PRDM16: variants seen among roughly 807,000 people sequenced by gnomAD.
PRDM16 encodes histone-lysine N-methyltransferase PRDM16.
In PRDM16, 23 loss-of-function variants were observed where a neutral mutation model predicts 110.6. The observed-to-expected ratio is 0.21, with a 90% CI of 0.15 to 0.29. PRDM16 has a LOEUF of 0.29. Among genes scored for constraint, PRDM16 ranks in the 10% least tolerant of loss-of-function variants. The pLI, the probability that PRDM16 is intolerant of heterozygous loss-of-function variation, is 1.00. For missense variants in PRDM16, 1,615 were observed against 1,794.3 expected, an observed-to-expected ratio of 0.90 and a Z score of 1.81; for synonymous variants, 799 against 781.8, an observed-to-expected ratio of 1.02 and a Z score of -0.37.
chr1:3,161,260 C>A (rs1643894644), intron 1 of PRDM16, among the ~76,000 whole-genome samples: 1 of 152,254 alleles, frequency 6.6e-6, no homozygotes, highest in Admixed American at 6.5e-5. Context: ...AGCAAACACA[C>A]ACACACAACA....
chr1:3,145,979 G>A (rs1643642499), intron 1 of PRDM16, among the ~76,000 whole-genome samples: 1 of 152,332 alleles, frequency 6.6e-6, no homozygotes, highest in African/African-American at 2.4e-5. Context: ...AGCGCCTCGG[G>A]ACTCACACGC....
chr1:3,325,128 G>T (rs940058802), intron 3 of PRDM16, among the ~76,000 whole-genome samples: 1 of 152,170 alleles, frequency 6.6e-6, no homozygotes, highest in African/African-American at 2.4e-5. Context: ...GCGTCCTTTG[G>T]AGGGGTGACC....
At chr1:3,257,798 C>T (rs926693993) in intron 3 of PRDM16, among the ~76,000 whole-genome samples, 2 of 152,164 alleles carry the variant, frequency 1.3e-5, no homozygotes, top group Admixed American at 6.5e-5. Context: ...CATCGGAGCC[C>T]GCACAGTCGG....
At chr1:3,354,043 C>T (rs1054645469) in intron 3 of PRDM16, among the ~76,000 whole-genome samples, 1 of 152,186 alleles carries the variant, frequency 6.6e-6, no homozygotes, top group Admixed American at 6.5e-5. Context: ...GGAACCGGGT[C>T]CTGGTCCAGG....
intron 3 of PRDM16, among the ~76,000 whole-genome samples, chr1:3,322,634 G>C (rs1244333562): frequency 6.6e-6 from 1 of 152,186 alleles, no homozygotes; most frequent in Non-Finnish European, 1.5e-5. Flanking sequence ...GTAGGCCAGT[G>C]CCTGGCAGCC....
chr1:3,202,252 G>C (rs997358311), intron 2 of PRDM16, among the ~76,000 whole-genome samples: 8 of 152,164 alleles, frequency 5.3e-5, no homozygotes, highest in African/African-American at 1.9e-4. Context: ...TGATGGAGCA[G>C]CTGGGACCAG....
At chr1:3,078,890 G>A (rs868180001) in intron 1 of PRDM16, among the ~76,000 whole-genome samples, 3 of 152,222 alleles carry the variant, frequency 2.0e-5, no homozygotes, top group Non-Finnish European at 2.9e-5. Flanking sequence ...AAAGGGGAAC[G>A]CATTGAAAAA....
At chr1:3,300,679 C>T (rs975705384) in intron 3 of PRDM16, among the ~76,000 whole-genome samples, 82 of 152,210 alleles carry the variant, frequency 5.4e-4, no homozygotes, top group Non-Finnish European at 3.2e-4. Context: ...CCAAGATCCA[C>T]GCATCATTGT....
At chr1:3,106,677 G>A (rs1642663448) in intron 1 of PRDM16, among the ~76,000 whole-genome samples, 1 of 152,134 alleles carries the variant, frequency 6.6e-6, no homozygotes, top group Non-Finnish European at 1.5e-5. Context: ...CCAGGTTTCT[G>A]TCCCAAGCAC....
intron 1 of PRDM16, among the ~76,000 whole-genome samples, chr1:3,178,262 G>C (rs1644111899): frequency 6.7e-6 from 1 of 149,342 alleles, no homozygotes. Context: ...AGCTTTTGGA[G>C]GCCACATCTA....
intron 1 of PRDM16, among the ~76,000 whole-genome samples, chr1:3,174,761 T>C (rs1644066504): frequency 6.6e-6 from 1 of 152,134 alleles, no homozygotes; most frequent in Non-Finnish European, 1.5e-5. Context: ...GGGCTCCGTC[T>C]TCCCAGGCTC....
In PRDM16 at chr1:3,428,640, G is replaced by A. The variant is rs755172435; in HGVS notation, c.3285-2232G>A. Among the ~76,000 whole-genome samples, 93 of 152,228 alleles carry A rather than the reference G, an allele frequency of 6.1e-4. 1 individual carries two copies. Among genetic ancestry groups the A allele is most frequent in the Non-Finnish European group, 1.1e-3 (76 of 68,032 alleles). On this transcript the variant is annotated intron_variant, in intron 14 of 16. Coordinates refer to ENST00000270722, the MANE Select transcript of PRDM16 (RefSeq NM_022114.4). ...AGCCAGTCCCTGGGGTGGCGGGAAC[G>A]TTCCCTGGGCCTCCTGCAGAACCAG...
At chr1:3,093,845 G>T (rs571460070) in intron 1 of PRDM16, among the ~76,000 whole-genome samples, 7 of 152,248 alleles carry the variant, frequency 4.6e-5, no homozygotes, top group Admixed American at 1.3e-4. Flanking sequence ...GAGGGGGAAC[G>T]TGCGGGGGTC....
At chr1:3,374,095 G>A (rs959093288) in intron 3 of PRDM16, among the ~76,000 whole-genome samples, 1 of 152,340 alleles carries the variant, frequency 6.6e-6, no homozygotes, top group East Asian at 1.9e-4. Context: ...CGGCCAGCAC[G>A]AGGCAAACCT....
chr1:3,204,546 C>T (rs1043692817), intron 2 of PRDM16, among the ~76,000 whole-genome samples: 6 of 152,142 alleles, frequency 3.9e-5, no homozygotes, highest in African/African-American at 7.2e-5. Context: ...CAGGGGAGCC[C>T]GTGGCTCCGT....
chr1:3,381,212 C>T (rs1643096062), intron 3 of PRDM16, among the ~76,000 whole-genome samples: 1 of 152,160 alleles, frequency 6.6e-6, no homozygotes, highest in Non-Finnish European at 1.5e-5. Flanking sequence ...GCACACCCCC[C>T]ACATACATTT....
chr1:3,355,341 A>T (rs1642573653), intron 3 of PRDM16, among the ~76,000 whole-genome samples: 1 of 151,892 alleles, frequency 6.6e-6, no homozygotes, highest in Non-Finnish European at 1.5e-5. Context: ...CCACCATCTG[A>T]CCTCACGAAT....
intron 3 of PRDM16, among the ~76,000 whole-genome samples, chr1:3,311,608 G>A (rs1641462791): frequency 6.6e-6 from 1 of 152,200 alleles, no homozygotes; most frequent in African/African-American, 2.4e-5. Flanking sequence ...CTAATCAACA[G>A]GGAAACCGAG....
intron 8 of PRDM16, among the ~76,000 whole-genome samples, chr1:3,407,086 G>T (rs749787090): frequency 8.5e-5 from 13 of 152,354 alleles, no homozygotes; most frequent in Non-Finnish European, 1.9e-4. Context: ...AACCTTCCAG[G>T]CTCCGTTGCA....
Sources: allele counts gnomAD v4.1 joint callset (sites outside exome capture counted in the v4.1 genomes callset), GRCh38; gene constraint gnomAD v4.1.1; transcripts MANE v1.5; gene names NCBI Gene and HGNC (gene_info 2026-07-23, HGNC 2026-07-21).